RCAN2: variants seen among roughly 807,000 people sequenced by gnomAD.
The protein encoded by RCAN2 is calcipressin-2.
In RCAN2, 9 loss-of-function variants were observed where a neutral mutation model predicts 23.6. The ratio of observed to expected loss-of-function variants is 0.38; its 90% CI spans 0.23 to 0.67. The LOEUF (loss-of-function observed/expected upper bound fraction) is 0.67, where lower values mean the gene tolerates loss of function less well. Ranked by LOEUF, RCAN2 falls within the 30% of genes least tolerant of loss-of-function variation. The probability of loss-of-function intolerance (pLI) is 0.51; values close to 1 mark genes in which losing one functional copy is unlikely to be tolerated. For missense variants in RCAN2, 273 were observed against 302.3 expected, an observed-to-expected ratio of 0.90 and a Z score of 0.72; for synonymous variants, 109 against 115.7, an observed-to-expected ratio of 0.94 and a Z score of 0.37.
intron 1 of RCAN2, among the ~76,000 whole-genome samples, chr6:46,489,167 C>A (rs1344688684): frequency 6.6e-6 from 1 of 152,120 alleles, no homozygotes; most frequent in African/African-American, 2.4e-5. Context: ...GAATACCCAG[C>A]CCCTTCTCTA....
chr6:46,350,660 G>A (rs1312206553), intron 2 of RCAN2, among the ~76,000 whole-genome samples: 1 of 152,210 alleles, frequency 6.6e-6, no homozygotes, highest in East Asian at 1.9e-4. Flanking sequence ...GGATATACAG[G>A]AGTCACTGCT....
At chr6:46,449,353 T>C (rs940604598) in intron 2 of RCAN2, among the ~76,000 whole-genome samples, 2 of 151,500 alleles carry the variant, frequency 1.3e-5, no homozygotes, top group African/African-American at 2.4e-5. Flanking sequence ...AGATATTCTA[T>C]CTTCAGAGGC....
At chr6:46,448,489 T>C (rs1251936546) in intron 2 of RCAN2, among the ~76,000 whole-genome samples, 1 of 151,884 alleles carries the variant, frequency 6.6e-6, no homozygotes, top group African/African-American at 2.4e-5. Flanking sequence ...AAAGTCAGTA[T>C]TACCCTGATA....
intron 2 of RCAN2, among the ~76,000 whole-genome samples, chr6:46,447,072 A>C (rs184486678): frequency 4.9e-4 from 75 of 152,228 alleles, no homozygotes; most frequent in African/African-American, 1.8e-3. Flanking sequence ...CTTTTTAAAA[A>C]AGACCTAACT....
chr6:46,451,683 A>C (rs1488587041), intron 2 of RCAN2, among the ~76,000 whole-genome samples: 2 of 152,226 alleles, frequency 1.3e-5, no homozygotes, highest in African/African-American at 4.8e-5. Flanking sequence ...AGTCAGCTGA[A>C]CTTGAGAAGA....
intron 2 of RCAN2, among the ~76,000 whole-genome samples, chr6:46,373,564 C>T (rs991293403): frequency 1.3e-5 from 2 of 152,090 alleles, no homozygotes; most frequent in Non-Finnish European, 2.9e-5. Context: ...GACTATTTTT[C>T]ATAAAGTAAA....
chr6:46,227,671 TC>T (rs1765721227), intron 4 of RCAN2, among the ~76,000 whole-genome samples: 1 of 152,218 alleles, frequency 6.6e-6, no homozygotes, highest in Non-Finnish European at 1.5e-5. Flanking sequence ...GATTCTTCTC[TC>T]TTTTCTTCTT....
rs189592949 is a variant in RCAN2, at chr6:46,355,136, A to G, written c.225+101616T>C. 3.9e-5 allele frequency among the ~76,000 whole-genome samples: 6 copies of G among 152,322 alleles called. No homozygotes were observed. In the East Asian group the frequency reaches 7.7e-4, roughly 20 times the overall value. On this transcript the variant is annotated intron_variant, in intron 2 of 4. Transcript: ENST00000371374. ...GTAGAACTGGCATGGTAATATAATT[A>G]CTGTCTTTTTAATACCCCCCAAATA...
At chr6:46,250,239 G>GA (rs1358869045) in intron 2 of RCAN2, among the ~76,000 whole-genome samples, 4 of 152,014 alleles carry the variant, frequency 2.6e-5, no homozygotes, top group African/African-American at 9.7e-5. Context: ...AATTAAAAAA[G>GA]AAAAAATATA....
At chr6:46,261,523 T>C (rs955126334) in intron 2 of RCAN2, among the ~76,000 whole-genome samples, 21 of 152,220 alleles carry the variant, frequency 1.4e-4, no homozygotes, top group Non-Finnish European at 2.6e-4. Flanking sequence ...GATTGGAAGA[T>C]AAACATTTTG....
intron 2 of RCAN2, among the ~76,000 whole-genome samples, chr6:46,249,921 A>G (rs971471658): frequency 6.6e-6 from 1 of 152,164 alleles, no homozygotes; most frequent in Non-Finnish European, 1.5e-5. Context: ...GAAAAAAAAA[A>G]TCTCTATTGC....
At chr6:46,296,743 G>A (rs1762739613) in intron 2 of RCAN2, among the ~76,000 whole-genome samples, 1 of 151,938 alleles carries the variant, frequency 6.6e-6, no homozygotes, top group Non-Finnish European at 1.5e-5. Context: ...TGATGTTATG[G>A]AAATCTCCAG....
intron 2 of RCAN2, among the ~76,000 whole-genome samples, chr6:46,340,733 C>T (rs1356718816): frequency 5.3e-5 from 8 of 152,202 alleles, no homozygotes; most frequent in Non-Finnish European, 1.2e-4. Context: ...AAATAGAAAT[C>T]ATTACCTTAA....
intron 4 of RCAN2, among the ~76,000 whole-genome samples, chr6:46,226,074 T>C (rs1037953117): frequency 8.5e-4 from 129 of 152,208 alleles, no homozygotes; most frequent in African/African-American, 3.0e-3. Context: ...TTTGTCAGGT[T>C]TGTCAAGGAT....
rs79622438 is a variant in RCAN2, at chr6:46,466,506, A to G, written c.-2-9528T>C. On this transcript the variant is annotated intron_variant, in intron 1 of 4. Transcript: ENST00000371374. ...CTTCCACAACATTAGCAGGTAATGA[A>G]GAGCTTGGAATTCCTTTCAACTCAA... is the stretch of plus-strand genomic sequence containing the variant. Among the ~76,000 whole-genome samples, 283 of 149,898 alleles carry G rather than the reference A, an allele frequency of 1.9e-3. 1 individual carries two copies. Among genetic ancestry groups the G allele is most frequent in the Non-Finnish European group, 3.5e-3 (237 of 67,306 alleles).
chr6:46,483,864 T>C (rs906435886), intron 1 of RCAN2, among the ~76,000 whole-genome samples: 28 of 152,352 alleles, frequency 1.8e-4, no homozygotes, highest in African/African-American at 6.3e-4. Flanking sequence ...TCACGAATTA[T>C]TAGTTTTCAC....
At chr6:46,397,460 G>C (rs1171604968) in intron 2 of RCAN2, among the ~76,000 whole-genome samples, 2 of 151,976 alleles carry the variant, frequency 1.3e-5, no homozygotes, top group African/African-American at 4.8e-5. Flanking sequence ...GTCTAGTTAA[G>C]AGTATTATTC....
At chr6:46,269,566 G>C (rs563336325) in intron 2 of RCAN2, among the ~76,000 whole-genome samples, 1 of 152,320 alleles carries the variant, frequency 6.6e-6, no homozygotes, top group South Asian at 2.1e-4. Flanking sequence ...TTCTTCTCAA[G>C]TGCGTGGAGA....
At chr6:46,437,751 T>C (rs966653143) in intron 2 of RCAN2, among the ~76,000 whole-genome samples, 1 of 152,196 alleles carries the variant, frequency 6.6e-6, no homozygotes, top group Non-Finnish European at 1.5e-5. Flanking sequence ...GAATCTTTAC[T>C]GTGGTGACTT....
Sources: gnomAD v4.1 joint callset for allele counts (sites outside exome capture counted in the v4.1 genomes callset) on GRCh38, gnomAD v4.1.1 for gene constraint, MANE v1.5 for transcripts, NCBI Gene and HGNC (gene_info 2026-07-23, HGNC 2026-07-21) for gene names.